SIK3: variants seen among roughly 807,000 people sequenced by gnomAD.
The protein encoded by SIK3 is serine/threonine-protein kinase SIK3.
A neutral mutation model predicts 144.2 loss-of-function variants in SIK3; 28 were observed. The ratio of observed to expected loss-of-function variants is 0.19; its 90% CI spans 0.14 to 0.27. SIK3 has a LOEUF of 0.27. Ranked by LOEUF, SIK3 falls within the 10% of genes least tolerant of loss-of-function variation. The pLI, the probability that SIK3 is intolerant of heterozygous loss-of-function variation, is 1.00. For synonymous variants in SIK3, 686 were observed against 676.3 expected, an observed-to-expected ratio of 1.01 and a Z score of -0.22; for missense variants, 1,319 against 1,776.0, an observed-to-expected ratio of 0.74 and a Z score of 4.62.
intron 1 of SIK3, among the ~76,000 whole-genome samples, chr11:117,061,639 A>G (rs1953798702): frequency 6.6e-6 from 1 of 152,186 alleles, no homozygotes; most frequent in African/African-American, 2.4e-5. Flanking sequence ...ATTACCTGGG[A>G]GCTTGTCAAA....
chr11:116,934,314 T>C (rs981767821), intron 3 of SIK3, among the ~76,000 whole-genome samples: 4 of 152,254 alleles, frequency 2.6e-5, no homozygotes, highest in Non-Finnish European at 5.9e-5. Flanking sequence ...TTCCTATCCC[T>C]GTTTATTAAA....
intron 3 of SIK3, among the ~76,000 whole-genome samples, chr11:116,941,969 G>C (rs1046024248): frequency 1.1e-4 from 17 of 152,068 alleles, no homozygotes; most frequent in African/African-American, 3.6e-4. Context: ...CATAATATAA[G>C]GCTGAATAGT....
chr11:117,018,711 A>ATT (rs1276082684), intron 1 of SIK3, among the ~76,000 whole-genome samples: 2 of 132,128 alleles, frequency 1.5e-5, no homozygotes, highest in Admixed American at 7.3e-5. Context: ...TTTTTATTTT[A>ATT]TTTTATTTAT....
intron 1 of SIK3, among the ~76,000 whole-genome samples, chr11:116,967,531 C>G (rs1017345451): frequency 1.3e-5 from 2 of 152,172 alleles, no homozygotes; most frequent in African/African-American, 4.8e-5. Flanking sequence ...GTAGCAGGAG[C>G]TGAGTGAACC....
intron 4 of SIK3, among the ~76,000 whole-genome samples, chr11:116,908,989 GA>G (rs2134925638): frequency 6.6e-6 from 1 of 152,268 alleles, no homozygotes; most frequent in South Asian, 2.1e-4. Flanking sequence ...GCCCCAAACT[GA>G]AAGCAATAGG....
chr11:116,969,775 T>C (rs1295604363), intron 1 of SIK3, among the ~76,000 whole-genome samples: 3 of 152,108 alleles, frequency 2.0e-5, no homozygotes, highest in Admixed American at 2.0e-4. Flanking sequence ...AAAAAGAGTA[T>C]CCATCCTGGT....
chr11:117,068,578 A>G (rs1954120676), intron 1 of SIK3, among the ~76,000 whole-genome samples: 1 of 152,144 alleles, frequency 6.6e-6, no homozygotes, highest in South Asian at 2.1e-4. Context: ...GCGAGACCCT[A>G]TCTCTAAAGT....
intron 1 of SIK3, among the ~76,000 whole-genome samples, chr11:117,043,780 A>G (rs80114299): frequency 6.6e-6 from 1 of 152,290 alleles, no homozygotes; most frequent in East Asian, 1.9e-4. Context: ...ACATTTTACA[A>G]TCTCACTTTA....
chr11:116,861,794 C>T, intron 18 of SIK3, 47 bp downstream of exon 18: 1 of 1,290,124 alleles, frequency 7.8e-7, no homozygotes, highest in Non-Finnish European at 1.1e-6. Flanking sequence ...CCAAGGGTAC[C>T]AGGCTATCGA....
At position 116,858,404 on chromosome 11, in the gene SIK3, G is replaced by T. The variant is rs762985742; in HGVS notation, c.3061C>A (p.Leu1021Ile). 3 of 1,612,938 alleles carry T rather than the reference G, an allele frequency of 1.9e-6. No homozygotes were observed. The East Asian group carries it at 6.7e-5, about 36-fold the overall frequency. Residue 1021 changes from leucine (L) to isoleucine (I), a missense_variant, in exon 21 of 25, where the codon CTT becomes ATT. Leu to Ile is a conservative substitution (Grantham distance 5). Around this residue, in one of 8 missense-constraint regions of SIK3, gnomAD observed 646 missense variants for 763.7 expected, o/e 0.85. Transcript: ENST00000445177. This position sits in a 1 kb window ranked among gnomAD's most constrained non-coding sequence, Gnocchi z 5.4. ...CCGGTGAGCGAATGCCGGGGAGAAAGCAGTCCTTGAAGGATGTGGGGTACC... is the reference window on the plus strand; with the variant it reads ...CCGGTGAGCGAATGCCGGGGAGAAATCAGTCCTTGAAGGATGTGGGGTACC... The part of the protein sequence containing the change: ...QQVPHILQGL[L>I]SPRHSLTGHS...
chr11:116,912,938 G>C (rs1208565152), intron 4 of SIK3, among the ~76,000 whole-genome samples: 2 of 152,170 alleles, frequency 1.3e-5, no homozygotes, highest in Admixed American at 1.3e-4. Context: ...ATAGGATTTA[G>C]AATGTTCTCC....
chr11:117,074,284 A>G (rs1954407146), intron 1 of SIK3, among the ~76,000 whole-genome samples: 2 of 152,112 alleles, frequency 1.3e-5, no homozygotes, highest in African/African-American at 4.8e-5. Context: ...ATACATCCCT[A>G]TCTCAAGCTT....
intron 4 of SIK3, among the ~76,000 whole-genome samples, 176 bp from the exon 5 acceptor site, chr11:116,897,493 T>C (rs779328352): frequency 1.3e-5 from 2 of 152,152 alleles, no homozygotes; most frequent in African/African-American, 4.8e-5. Flanking sequence ...AACAGAGATA[T>C]AGATGAGCTG....
chr11:116,948,429 T>C lies in SIK3; in HGVS notation c.454+5615A>G, dbSNP rs531617878. ...AGTAGCTGGGACCACAGGCTCATGC[T>C]ACCACATCCGGCTAATTTTTTATGT... On this transcript the variant is annotated intron_variant, in intron 3 of 24. Coordinates refer to ENST00000445177, the MANE Select transcript of SIK3 (RefSeq NM_001366686.3). 2.6e-5 allele frequency among the ~76,000 whole-genome samples: 4 copies of C among 152,192 alleles called. No individual in the cohort carries two copies. The East Asian group carries it at 7.7e-4, about 29-fold the overall frequency.
intron 1 of SIK3, among the ~76,000 whole-genome samples, chr11:116,992,495 C>T (rs1950533363): frequency 6.6e-6 from 1 of 152,058 alleles, no homozygotes; most frequent in African/African-American, 2.4e-5. Flanking sequence ...AAGTAAAATA[C>T]TTCCAAATGT....
chr11:116,858,171 A>G lies in SIK3; in HGVS notation c.3294T>C (p.Ala1098=), dbSNP rs1323488701. ...GGCTGGTGTGATGGTGATAAGAGTC[A>G]GCATTTTGATAAGATAAAGCCTGGC... The part of the protein sequence containing the change: ...TERQALSYQN[A]DSYHHHTSPQ... The change falls in exon 21 of 25, where the codon GCT becomes GCC. Residue 1098 remains alanine, a synonymous_variant. Coordinates refer to ENST00000445177, the MANE Select transcript of SIK3 (RefSeq NM_001366686.3). The surrounding 1 kb of genome is among the most constrained non-coding windows in gnomAD (Gnocchi z 5.4). The G allele has an allele frequency of 6.2e-7, 1 of 1,614,072 alleles. No individual in the cohort carries two copies. The highest frequency in any genetic ancestry group is 1.1e-5 in the South Asian group (1 of 91,080).
chr11:117,072,243 C>T lies in SIK3; in HGVS notation c.273+25900G>A, dbSNP rs531753173. 4.6e-5 allele frequency among the ~76,000 whole-genome samples: 7 copies of T among 152,120 alleles called. 1 individual carries two copies. The South Asian group carries it at 1.4e-3, about 31-fold the overall frequency. On this transcript the variant is annotated intron_variant, in intron 1 of 24. Transcript: ENST00000445177. Reference sequence around the variant, plus strand: ...TCTCCACAAAAAATACAAAAATTAGCCAGGCCTGGTGGCATGTGCCTGTAA... The same window carrying T: ...TCTCCACAAAAAATACAAAAATTAGTCAGGCCTGGTGGCATGTGCCTGTAA...
At chr11:117,041,583 A>G (rs1031237397) in intron 1 of SIK3, among the ~76,000 whole-genome samples, 3 of 152,218 alleles carry the variant, frequency 2.0e-5, no homozygotes, top group Admixed American at 6.5e-5. Context: ...AATTGGGAAA[A>G]GTATGATGCC....
intron 1 of SIK3, among the ~76,000 whole-genome samples, chr11:117,019,706 C>T (rs1330326908): frequency 7.9e-5 from 12 of 151,762 alleles, no homozygotes; most frequent in Non-Finnish European, 2.9e-5. Context: ...CTCTGCCTCC[C>T]GGGTTCACGT....
Sources: gnomAD v4.1 joint callset for allele counts (sites outside exome capture counted in the v4.1 genomes callset) on GRCh38, gnomAD v4.1.1 for gene constraint, gnomAD v4.1.1 regional missense constraint, Gnocchi (gnomAD v3.1) non-coding constraint, MANE v1.5 for transcripts, NCBI Gene and HGNC (gene_info 2026-07-23, HGNC 2026-07-21) for gene names.